The following CADM2 variants were observed in gnomAD, a reference collection of about 807,000 sequenced individuals.
The protein encoded by CADM2 is cell adhesion molecule 2, also known as immunoglobulin superfamily member 4D.
In CADM2, 12 loss-of-function variants were observed where a neutral mutation model predicts 49.8. The observed-to-expected ratio is 0.24, with a 90% CI of 0.15 to 0.39. The LOEUF (loss-of-function observed/expected upper bound fraction) is 0.39. Ranked by LOEUF, CADM2 falls within the 10% of genes least tolerant of loss-of-function variation. CADM2 has a pLI of 1.00. For synonymous variants in CADM2, 214 were observed against 175.4 expected, an observed-to-expected ratio of 1.22 and a Z score of -1.74; for missense variants, 378 against 492.3, an observed-to-expected ratio of 0.77 and a Z score of 2.20.
chr3:85,773,006 T>TAACA (rs1037754379), intron 2 of CADM2, among the ~76,000 whole-genome samples: 1 of 151,928 alleles, frequency 6.6e-6, no homozygotes, highest in African/African-American at 2.4e-5. Context: ...CTAGCTCCTA[T>TAACA]AACAGATAGA....
chr3:85,525,629 G>T (rs940257583), intron 1 of CADM2, among the ~76,000 whole-genome samples: 1 of 151,952 alleles, frequency 6.6e-6, no homozygotes, highest in East Asian at 1.9e-4. Context: ...GACAATCTTT[G>T]GTTTTTAATC....
chr3:86,025,476 A>G (rs564304809), intron 8 of CADM2, among the ~76,000 whole-genome samples: 1 of 152,224 alleles, frequency 6.6e-6, no homozygotes, highest in South Asian at 2.1e-4. Flanking sequence ...CATACAGTTT[A>G]AAGTGTTCTT....
intron 8 of CADM2, among the ~76,000 whole-genome samples, chr3:86,017,888 T>G (rs1285898145): frequency 2.7e-5 from 4 of 150,266 alleles, no homozygotes; most frequent in Non-Finnish European, 5.9e-5. Flanking sequence ...TATTATTTTT[T>G]TATTATACTT....
chr3:85,909,867 A>T (rs1717325833), intron 5 of CADM2, among the ~76,000 whole-genome samples: 1 of 152,210 alleles, frequency 6.6e-6, no homozygotes, highest in African/African-American at 2.4e-5. Flanking sequence ...ATACATTTTA[A>T]GTGTCTTCTC....
intron 1 of CADM2, among the ~76,000 whole-genome samples, chr3:85,078,696 T>TC (rs1392745009): frequency 2.0e-5 from 3 of 151,752 alleles, no homozygotes; most frequent in African/African-American, 7.2e-5. Context: ...CTTTTTTTTT[T>TC]CTCTTAAAAT....
At chr3:85,937,538 C>T (rs2108543078) in intron 7 of CADM2, among the ~76,000 whole-genome samples, 1 of 152,042 alleles carries the variant, frequency 6.6e-6, no homozygotes, top group South Asian at 2.1e-4. Flanking sequence ...AGCCTTAACT[C>T]TTTCTATTAT....
At chr3:85,717,295 T>TTC (rs2067329067) in intron 1 of CADM2, among the ~76,000 whole-genome samples, 1 of 152,180 alleles carries the variant, frequency 6.6e-6, no homozygotes, top group Admixed American at 6.5e-5. Flanking sequence ...GGCTCTCTGT[T>TTC]TGTCTATTAT....
Position 85,768,065 on chromosome 3 carries a change from A to G in CADM2, c.89-33982A>G, listed in dbSNP as rs548422679. Among the ~76,000 whole-genome samples the G allele has an allele frequency of 6.6e-5, 10 of 152,178 alleles. No homozygotes were observed. The East Asian group carries it at 1.5e-3, about 23-fold the overall frequency. ...TTCTTTCTTACATAGATTAGCTTCA[A>G]TGGTAATTATTTGATGGTCTCATAT... is the stretch of plus-strand genomic sequence containing the variant. On this transcript the variant is annotated intron_variant, in intron 2 of 9. Transcript: ENST00000383699.
chr3:85,909,419 T>TAA (rs1553705779), intron 5 of CADM2, among the ~76,000 whole-genome samples: 4 of 150,480 alleles, frequency 2.7e-5, no homozygotes, highest in Admixed American at 6.6e-5. Flanking sequence ...TATATATATA[T>TAA]AATGTCCAAT....
At chr3:85,550,925 C>T (rs1357843055) in intron 1 of CADM2, among the ~76,000 whole-genome samples, 2 of 152,036 alleles carry the variant, frequency 1.3e-5, no homozygotes, top group East Asian at 3.9e-4. Context: ...TTTTTTACTT[C>T]TTTACTGAAC....
At chr3:85,769,942 G>A (rs1232386096) in intron 2 of CADM2, among the ~76,000 whole-genome samples, 1 of 151,888 alleles carries the variant, frequency 6.6e-6, no homozygotes, top group Non-Finnish European at 1.5e-5. Context: ...ATAAAAATAT[G>A]TGTTCAAATG....
chr3:86,015,279 C>T (rs1420332216), intron 8 of CADM2, among the ~76,000 whole-genome samples: 3 of 152,130 alleles, frequency 2.0e-5, no homozygotes, highest in Non-Finnish European at 2.9e-5. Context: ...CCTGTTTGAA[C>T]TCTCAGGCTT....
intron 8 of CADM2, among the ~76,000 whole-genome samples, chr3:86,049,394 C>T (rs1737071257): frequency 6.6e-6 from 1 of 151,760 alleles, no homozygotes; most frequent in Non-Finnish European, 1.5e-5. Context: ...CCTGCCTCAG[C>T]CTCCCGAGTA....
intron 1 of CADM2, among the ~76,000 whole-genome samples, chr3:85,349,962 A>T: frequency 6.6e-6 from 1 of 152,194 alleles, no homozygotes; most frequent in East Asian, 1.9e-4. Flanking sequence ...CTGCCTGCTG[A>T]TGTTTCATTG....
chr3:85,288,572 T>G (rs985730603), intron 1 of CADM2, among the ~76,000 whole-genome samples: 10 of 152,134 alleles, frequency 6.6e-5, no homozygotes, highest in African/African-American at 2.4e-4. Flanking sequence ...CTGCAGAATT[T>G]GTAATATATT....
At chr3:85,357,781 G>C (rs9809258) in intron 1 of CADM2, among the ~76,000 whole-genome samples, 46,600 of 151,642 alleles carry the variant, frequency 0.31, 7,350 homozygotes, top group South Asian at 0.39. Flanking sequence ...TTATCAGTGG[G>C]AAAACAGTAG....
chr3:85,365,154 C>T (rs1161242900), intron 1 of CADM2, among the ~76,000 whole-genome samples: 1 of 137,116 alleles, frequency 7.3e-6, no homozygotes, highest in South Asian at 2.4e-4. Flanking sequence ...ACTACCTAGA[C>T]ATTCTTGGTG....
At chr3:85,468,579 A>G (rs1210418951) in intron 1 of CADM2, among the ~76,000 whole-genome samples, 1 of 128,294 alleles carries the variant, frequency 7.8e-6, no homozygotes, top group Admixed American at 9.0e-5. Flanking sequence ...TAAAGAAATT[A>G]CTGATCTTTT....
At chr3:85,590,191 A>T (rs55677942) in intron 1 of CADM2, among the ~76,000 whole-genome samples, 1 of 151,718 alleles carries the variant, frequency 6.6e-6, no homozygotes, top group African/African-American at 2.4e-5. Context: ...AGAGCCAAGC[A>T]GAAAAATAGA....
Sources: allele counts gnomAD v4.1 joint callset (sites outside exome capture counted in the v4.1 genomes callset), GRCh38; gene constraint gnomAD v4.1.1; transcripts MANE v1.5; gene names NCBI Gene and HGNC (gene_info 2026-07-23, HGNC 2026-07-21).